MYO7B: variants seen among roughly 807,000 people sequenced by gnomAD.
MYO7B encodes the protein unconventional myosin-VIIb.
In MYO7B, 212 loss-of-function variants were observed where a neutral mutation model predicts 259.7. That is an observed-to-expected ratio of 0.82 (90% CI 0.73 to 0.91). MYO7B has a LOEUF of 0.91. Ranked by LOEUF, MYO7B falls within the 40% of genes least tolerant of loss-of-function variation. The pLI is 0.00. For synonymous variants in MYO7B, 1,197 were observed against 1,166.4 expected, an observed-to-expected ratio of 1.03 and a Z score of -0.54; for missense variants, 2,732 against 2,813.5, an observed-to-expected ratio of 0.97 and a Z score of 0.66.
At position 127,636,297 on chromosome 2, in the gene MYO7B, CTTCGGAT is replaced by C; in HGVS notation, c.6097_6103del (p.Phe2033ProfsTer6). On this transcript the variant is annotated frameshift_variant, in exon 45 of 48. Coordinates refer to ENST00000409816, the MANE Select transcript of MYO7B (RefSeq NM_001393586.1). LOFTEE classifies it high-confidence loss of function. This position sits in a 1 kb window ranked among gnomAD's most constrained non-coding sequence, Gnocchi z 4.5. ...TGAAGTGGATCTGCCGGTGGCCCAC[CTTCGGAT>C]CCGCCTTCTTCGAGGTGAAGGTAAA... 1.2e-6 allele frequency: 2 copies of C among 1,613,488 alleles called. No homozygotes were observed. The highest frequency in any genetic ancestry group is 1.7e-6 in the Non-Finnish European group (2 of 1,179,792).
Position 127,636,872 on chromosome 2 carries a change from A to G in MYO7B, c.6286A>G (p.Ser2096Gly). ...GSTYFHMALGSLGRGSRLLCE... is the reference protein window; with the variant it reads ...GSTYFHMALGGLGRGSRLLCE... ...CACCTACTTCCACATGGCGCTGGGG[A>G]GCCTGGGCCGTGGCAGCCGCCTGCT... Residue 2096 changes from serine to glycine, a missense_variant, in exon 47 of 48, where the codon AGC becomes GGC. Physicochemically the swap from Ser to Gly is moderately conservative, Grantham distance 56. Coordinates refer to ENST00000409816, the MANE Select transcript of MYO7B (RefSeq NM_001393586.1). This position sits in a 1 kb window ranked among gnomAD's most constrained non-coding sequence, Gnocchi z 4.5. The G allele has an allele frequency of 6.2e-7, 1 of 1,607,652 alleles. No homozygotes were observed. Among genetic ancestry groups the G allele is most frequent in the Admixed American group, 1.7e-5 (1 of 59,780 alleles).
Position 127,634,867 on chromosome 2 carries a change from C to T in MYO7B, c.5713+184C>T, listed in dbSNP as rs952301069. On this transcript the variant is annotated intron_variant, in intron 42 of 47. Coordinates refer to ENST00000409816, the MANE Select transcript of MYO7B (RefSeq NM_001393586.1). ...CAGCTCAGGCAGAAACAGGTGGCTG[C>T]ACCTTGGAGTGATGAAGGATGCCCC... is the stretch of plus-strand genomic sequence containing the variant. 6.2e-5 allele frequency: 41 copies of T among 662,490 alleles called. No homozygotes were observed. In the African/African-American group the frequency reaches 6.5e-4, roughly 11 times the overall value. 41.0% of individuals were successfully genotyped at this position (662,490 alleles called of 1,614,324 possible).
intron 1 of MYO7B, among the ~76,000 whole-genome samples, chr2:127,542,574 A>G (rs1209973104): frequency 6.6e-6 from 1 of 152,204 alleles, no homozygotes; most frequent in African/African-American, 2.4e-5. Flanking sequence ...ATGGATAAGG[A>G]TGAAGGGGTG....
chr2:127,576,769 C>A lies in MYO7B; in HGVS notation c.849+61C>A. On this transcript the variant is annotated intron_variant, in intron 8 of 47. Coordinates refer to ENST00000409816, the MANE Select transcript of MYO7B (RefSeq NM_001393586.1). This position sits in a 1 kb window ranked among gnomAD's most constrained non-coding sequence, Gnocchi z 4.9. ...GGAAGGGAGGAAAAAGAGCTTGTGC[C>A]GCTCCACCCTCCGCGACAGCTGCAG... 1 of 1,243,574 alleles carries A rather than the reference C, an allele frequency of 8.0e-7. No individual in the cohort carries two copies. The highest frequency in any genetic ancestry group is 1.1e-6 in the Non-Finnish European group (1 of 870,322). 77.0% of individuals were successfully genotyped at this position (1,243,574 alleles called of 1,614,324 possible).
Position 127,628,550 on chromosome 2 carries a change from G to T in MYO7B, c.4624+15G>T, listed in dbSNP as rs1470472910. 2 of 507,352 alleles carry T rather than the reference G, an allele frequency of 3.9e-6. No homozygotes were observed. The highest frequency in any genetic ancestry group is 5.1e-6 in the Non-Finnish European group (2 of 395,924). The allele number at this position is 507,352 out of a possible 1,614,324, so 31.4% of individuals were successfully genotyped here. On this transcript the variant is annotated intron_variant, in intron 34 of 47. Transcript: ENST00000409816. This position sits in a 1 kb window ranked among gnomAD's most constrained non-coding sequence, Gnocchi z 4.8. The stretch of plus-strand genomic sequence containing the variant: ...GAAGGCCACAGGTGCCAGACTGGGT[G>T]GGGTGGGGTGGGGTGGGGTGGGGTG...
At position 127,569,793 on chromosome 2, in the gene MYO7B, G is replaced by A. The variant is rs78197286; in HGVS notation, c.475G>A (p.Glu159Lys). The change falls in exon 6 of 48, where the codon GAG becomes AAG. Residue 159 changes from glutamate (E) to lysine (K), a missense_variant. Physicochemically the swap from Glu to Lys is moderately conservative, Grantham distance 56. Transcript: ENST00000409816. ...CCCTGCACACCCTTTTTGCAGCGGC[G>A]AGTCTGGGGCTGGCAAGACGGAGAC... is the stretch of plus-strand genomic sequence containing the variant. ...KRDQCCIISGESGAGKTETTK... is the reference protein window; with the variant it reads ...KRDQCCIISGKSGAGKTETTK... 29 of 1,607,714 alleles carry A rather than the reference G, an allele frequency of 1.8e-5. No homozygotes were observed. Among genetic ancestry groups the A allele is most frequent in the East Asian group, 1.8e-4 (8 of 44,742 alleles).
rs369792842 is a variant in MYO7B, at chr2:127,629,799, G to T, written c.4779G>T (p.Thr1593=). 4 of 1,584,288 alleles carry T rather than the reference G, an allele frequency of 2.5e-6. No individual in the cohort carries two copies. The highest frequency in any genetic ancestry group is 1.4e-5 in the African/African-American group (1 of 73,798). Residue 1593 remains threonine (T), a synonymous_variant, in exon 35 of 48, where the codon ACG becomes ACT. Transcript: ENST00000409816. ...VPMACLYTIP[T]VTKPSAQLLS... ...TGGCCTGCCTCTACACCATCCCCAC[G>T]GTCACTAAGCCCTCGGCACAGCTGC...
intron 9 of MYO7B, among the ~76,000 whole-genome samples, chr2:127,579,574 ATTTGTTTGTTTG>A (rs34233331): frequency 6.6e-6 from 1 of 150,380 alleles, no homozygotes; most frequent in Non-Finnish European, 1.5e-5. Flanking sequence ...CTAACATAAC[ATTTGTTTGTTTG>A]TTTGTTTGTT....
At position 127,592,799 on chromosome 2, in the gene MYO7B, C is replaced by G; in HGVS notation, c.1998C>G (p.Phe666Leu). ...CGCCCGGTGTCCGCCCACAGCTGTT[C>G]GACCGGGAGCTGTGCCTGCGGCAGC... ...KPNEYKKPLL[F>L]DRELCLRQLR... is the part of the protein sequence containing the mutation. Residue 666 changes from phenylalanine to leucine, a missense_variant, in exon 17 of 48, where the codon TTC (phenylalanine) becomes TTG (leucine). By Grantham distance (22) the Phe-to-Leu change is conservative. Coordinates refer to ENST00000409816, the MANE Select transcript of MYO7B (RefSeq NM_001393586.1). 6.2e-7 allele frequency: 1 copy of G among 1,609,502 alleles called. No homozygotes were observed. The highest frequency in any genetic ancestry group is 8.5e-7 in the Non-Finnish European group (1 of 1,178,596).
intron 1 of MYO7B, among the ~76,000 whole-genome samples, chr2:127,556,238 AT>A (rs1441281285): frequency 6.6e-6 from 1 of 152,110 alleles, no homozygotes; most frequent in African/African-American, 2.4e-5. Flanking sequence ...TTTGGTGTCC[AT>A]TTGCACAGAA....
At chr2:127,565,164 G>A (rs1260918021) in intron 3 of MYO7B, 69 bp from the exon 4 acceptor site, 1 of 1,551,558 alleles carries the variant, frequency 6.4e-7, no homozygotes, top group Non-Finnish European at 8.8e-7. Context: ...AACTTGGAGG[G>A]GAGGGTGTGG....
In MYO7B at chr2:127,590,194, C is replaced by CGCTG; in HGVS notation, c.1958_1961dup (p.Cys654TrpfsTer6). ...GACCAACTGCCAGCCTTACTTCATC[C>CGCTG]GCTGCATCAAACCTAATGAGTACAA... On this transcript the variant is annotated frameshift_variant, in exon 16 of 48. Coordinates refer to ENST00000409816, the MANE Select transcript of MYO7B (RefSeq NM_001393586.1). LOFTEE classifies it high-confidence loss of function. The surrounding 1 kb of genome is among the most constrained non-coding windows in gnomAD (Gnocchi z 4.6). 6.2e-7 allele frequency: 1 copy of CGCTG among 1,612,896 alleles called. No individual in the cohort carries two copies. The highest frequency in any genetic ancestry group is 8.5e-7 in the Non-Finnish European group (1 of 1,179,750).
At chr2:127,617,741 A>G (rs1165390535) in intron 26 of MYO7B, among the ~76,000 whole-genome samples, 3 of 150,102 alleles carry the variant, frequency 2.0e-5, no homozygotes, top group Non-Finnish European at 3.0e-5. Context: ...TGACCTCATG[A>G]TCCACCCGCC....
chr2:127,601,347 A>G (rs1240255975), intron 19 of MYO7B, among the ~76,000 whole-genome samples: 2 of 152,210 alleles, frequency 1.3e-5, no homozygotes, highest in Admixed American at 6.5e-5. Context: ...GTTGGTTGAT[A>G]GAGGTGTTGA....
Position 127,636,216 on chromosome 2 carries a change from TC to T in MYO7B, c.6016del (p.Leu2006Ter), listed in dbSNP as rs1379819336. ...GCCCTCCTGTCCCCCAGAGCATCCT[TC>T]TAGCCTATGACAAGCATAAGGACAA... The part of the protein sequence containing the change: ...SSEEWKKSIL[L>X]AYDKHKDKTV... On this transcript the variant is annotated frameshift_variant, in exon 45 of 48. Transcript: ENST00000409816. LOFTEE classifies it high-confidence loss of function. The surrounding 1 kb of genome is among the most constrained non-coding windows in gnomAD (Gnocchi z 4.5). 6.2e-7 allele frequency: 1 copy of T among 1,612,628 alleles called. No homozygotes were observed. The highest frequency in any genetic ancestry group is 1.7e-5 in the Admixed American group (1 of 59,956).
chr2:127,569,546 G>A (rs532367489), intron 5 of MYO7B, among the ~76,000 whole-genome samples: 64 of 152,272 alleles, frequency 4.2e-4, no homozygotes, highest in African/African-American at 1.5e-3. Context: ...AATCAGATCC[G>A]AGTGTGCCAA....
In MYO7B at chr2:127,637,314, A is replaced by C; in HGVS notation, c.6328-2A>C. The C allele has an allele frequency of 6.3e-7, 1 of 1,577,850 alleles. No homozygotes were observed. The highest frequency in any genetic ancestry group is 8.6e-7 in the Non-Finnish European group (1 of 1,161,478). On this transcript the variant is annotated splice_acceptor_variant, in intron 47 of 47. Coordinates refer to ENST00000409816, the MANE Select transcript of MYO7B (RefSeq NM_001393586.1). LOFTEE classifies it high-confidence loss of function. ...CCTCTGACCCCCCCGTCCCCTGTCC[A>C]GGGCTATAAGATGGATGACCTGCTG...
chr2:127,602,818 G>A (rs1245272358), intron 19 of MYO7B, among the ~76,000 whole-genome samples: 1 of 152,134 alleles, frequency 6.6e-6, no homozygotes, highest in Admixed American at 6.5e-5. Context: ...GAGCAACATG[G>A]TGAAACCTCA....
intron 4 of MYO7B, among the ~76,000 whole-genome samples, chr2:127,566,315 T>C (rs1488033324): frequency 6.6e-6 from 1 of 152,226 alleles, no homozygotes; most frequent in Non-Finnish European, 1.5e-5. Flanking sequence ...CCCTGCGGGA[T>C]GCAGGTGAAA....
Sources: allele counts gnomAD v4.1 joint callset (sites outside exome capture counted in the v4.1 genomes callset), GRCh38; gene constraint gnomAD v4.1.1; non-coding constraint Gnocchi (gnomAD v3.1); transcripts MANE v1.5; gene names NCBI Gene and HGNC (gene_info 2026-07-23, HGNC 2026-07-21).